The following ZMYND8 variants were observed in gnomAD, a reference collection of about 807,000 sequenced individuals.
ZMYND8 encodes the protein zinc finger MYND-type containing 8.
In ZMYND8, 37 loss-of-function variants were observed where a neutral mutation model predicts 140.8. That is an observed-to-expected ratio of 0.26 (90% CI 0.20 to 0.35). The LOEUF (loss-of-function observed/expected upper bound fraction) is 0.35, where lower values mean the gene tolerates loss of function less well. Among genes scored for constraint, ZMYND8 ranks in the 10% least tolerant of loss-of-function variants. ZMYND8 has a pLI of 1.00. For missense variants in ZMYND8, 1,068 were observed against 1,570.0 expected (o/e 0.68, Z 5.40); for synonymous variants, 592 against 597.1 (o/e 0.99, Z 0.12).
chr20:47,291,676 T>C, intron 6 of ZMYND8, 120 bp downstream of exon 6: 1 of 611,584 alleles, frequency 1.6e-6, no homozygotes, highest in Non-Finnish European at 2.5e-6. Flanking sequence ...GCAATGAAAA[T>C]ATAGAGAAAC....
At chr20:47,271,163 G>A (rs973718440) in intron 11 of ZMYND8, among the ~76,000 whole-genome samples, 4 of 152,142 alleles carry the variant, frequency 2.6e-5, no homozygotes, top group African/African-American at 9.7e-5. Flanking sequence ...GGAGGAAAAG[G>A]TCCCTGGTCT....
chr20:47,329,485 A>ACCT (rs1191136442), intron 2 of ZMYND8, among the ~76,000 whole-genome samples: 1 of 151,854 alleles, frequency 6.6e-6, no homozygotes, highest in Non-Finnish European at 1.5e-5. Flanking sequence ...GCTCACCGCA[A>ACCT]CCTCCTCCTC....
At chr20:47,250,371 C>A (rs1307102041) in intron 12 of ZMYND8, among the ~76,000 whole-genome samples, 1 of 152,166 alleles carries the variant, frequency 6.6e-6, no homozygotes, top group Non-Finnish European at 1.5e-5. Flanking sequence ...ACTGTGCCTG[C>A]CACCCTCTGG....
intron 3 of ZMYND8, among the ~76,000 whole-genome samples, chr20:47,303,366 T>G (rs2148122684): frequency 6.6e-6 from 1 of 152,328 alleles, no homozygotes; most frequent in East Asian, 1.9e-4. Flanking sequence ...CAGCCGTATT[T>G]TCAGTATCTG....
chr20:47,283,510 A>G, intron 9 of ZMYND8, 61 bp downstream of exon 9: 1 of 1,563,500 alleles, frequency 6.4e-7, no homozygotes, highest in African/African-American at 1.4e-5. Context: ...AAGCTGTCTC[A>G]GGGTAGTCAT....
chr20:47,224,725 G>A (rs2037445220), intron 18 of ZMYND8, among the ~76,000 whole-genome samples, 169 bp from the exon 19 acceptor site: 2 of 152,172 alleles, frequency 1.3e-5, no homozygotes, highest in Non-Finnish European at 2.9e-5. Flanking sequence ...TGTAAATAGG[G>A]CATTCATCAT....
At chr20:47,311,006 G>A (rs909213243) in intron 2 of ZMYND8, among the ~76,000 whole-genome samples, 1 of 152,150 alleles carries the variant, frequency 6.6e-6, no homozygotes, top group Non-Finnish European at 1.5e-5. Flanking sequence ...CCATGCCCAT[G>A]CCTGATTGCA....
chr20:47,252,017 G>A (rs963115377), intron 12 of ZMYND8, among the ~76,000 whole-genome samples: 13 of 151,906 alleles, frequency 8.6e-5, no homozygotes, highest in African/African-American at 2.4e-4. Context: ...GAGAAATGCC[G>A]GGCGCAGCAG....
At chr20:47,296,832 T>C (rs1444028694) in intron 4 of ZMYND8, among the ~76,000 whole-genome samples, 1 of 152,120 alleles carries the variant, frequency 6.6e-6, no homozygotes, top group Non-Finnish European at 1.5e-5. Context: ...GGTGTGTACC[T>C]GTGGTCCCAG....
At chr20:47,305,200 C>T (rs1381179297) in intron 3 of ZMYND8, among the ~76,000 whole-genome samples, 1 of 151,576 alleles carries the variant, frequency 6.6e-6, no homozygotes, top group African/African-American at 2.4e-5. Flanking sequence ...GCCACAATGA[C>T]ACCACTGTAC....
At chr20:47,287,114 A>G (rs557109508) in intron 8 of ZMYND8, 115 bp downstream of exon 8, 25 of 910,824 alleles carry the variant, frequency 2.7e-5, no homozygotes, top group Non-Finnish European at 4.1e-5. Flanking sequence ...GTGTGGCCTC[A>G]ACAAATTCCA....
chr20:47,352,596 A>G, intron 1 of ZMYND8: 1 of 959,604 alleles, frequency 1.0e-6, no homozygotes, highest in Non-Finnish European at 1.2e-6. Flanking sequence ...TTACTGTTAC[A>G]GGTCTGAGCA....
At chr20:47,306,057 G>A (rs1409349982) in intron 3 of ZMYND8, among the ~76,000 whole-genome samples, 11 of 152,108 alleles carry the variant, frequency 7.2e-5, no homozygotes, top group Non-Finnish European at 1.3e-4. Flanking sequence ...ACCTTAGGAT[G>A]CTTTTAAACC....
intron 21 of ZMYND8, among the ~76,000 whole-genome samples, chr20:47,213,126 A>G (rs1205052689): frequency 1.3e-5 from 2 of 152,220 alleles, no homozygotes; most frequent in African/African-American, 4.8e-5. Context: ...ATTTAAGGCA[A>G]TAACTCATCA....
chr20:47,326,360 C>T (rs1268507337), intron 2 of ZMYND8, among the ~76,000 whole-genome samples: 1 of 152,248 alleles, frequency 6.6e-6, no homozygotes, highest in Non-Finnish European at 1.5e-5. Context: ...CCTCGGCCTC[C>T]CAAAGAGCTG....
intron 11 of ZMYND8, among the ~76,000 whole-genome samples, chr20:47,270,357 G>A (rs2075835759): frequency 8.3e-6 from 1 of 120,254 alleles, no homozygotes; most frequent in Non-Finnish European, 1.6e-5. Context: ...TGGAAGACAA[G>A]AGTGAAACTC....
At chr20:47,287,780 C>G (rs1329119173) in intron 7 of ZMYND8, among the ~76,000 whole-genome samples, 1 of 151,928 alleles carries the variant, frequency 6.6e-6, no homozygotes, top group South Asian at 2.1e-4. Context: ...TCACTTGAGC[C>G]CAGGAGTTGA....
intron 16 of ZMYND8, among the ~76,000 whole-genome samples, chr20:47,230,545 C>T (rs1203504151): frequency 6.6e-6 from 1 of 152,026 alleles, no homozygotes; most frequent in Non-Finnish European, 1.5e-5. Flanking sequence ...CCACCCACCT[C>T]GGCCTCCCAA....
chr20:47,333,900 TC>T (rs1172880480), intron 2 of ZMYND8, among the ~76,000 whole-genome samples: 2 of 145,950 alleles, frequency 1.4e-5, no homozygotes, highest in African/African-American at 5.1e-5. Flanking sequence ...AAAGTGAGAC[TC>T]CATCTCAAAA....
Sources: allele counts gnomAD v4.1 joint callset (sites outside exome capture counted in the v4.1 genomes callset), GRCh38; gene constraint gnomAD v4.1.1; transcripts MANE v1.5; gene names NCBI Gene and HGNC (gene_info 2026-07-23, HGNC 2026-07-21).